Variants in SACM1L observed in about 807,000 individuals in gnomAD.
SACM1L encodes phosphatidylinositol-3-phosphatase SAC1.
A neutral mutation model predicts 89.5 loss-of-function variants in SACM1L; 32 were observed. The ratio of observed to expected loss-of-function variants is 0.36; its 90% CI spans 0.27 to 0.48. SACM1L has a LOEUF of 0.48. Ranked by LOEUF, SACM1L falls within the 20% of genes least tolerant of loss-of-function variation. The pLI is 0.99. For missense variants in SACM1L, 543 were observed against 708.5 expected (o/e 0.77, Z 2.65); for synonymous variants, 213 against 232.8 (o/e 0.92, Z 0.77).
In SACM1L at chr3:45,719,613, G is replaced by T; in HGVS notation, c.679+12G>T. On this transcript the variant is annotated intron_variant, in intron 8 of 19. Coordinates refer to ENST00000389061, the MANE Select transcript of SACM1L (RefSeq NM_014016.5). ...CTATTATGTAAGAGGTGAGAATTTT[G>T]TCAGCATGGGTCATATCTGTAATTA... 6.8e-7 allele frequency: 1 copy of T among 1,466,334 alleles called. No individual in the cohort carries two copies. The highest frequency in any genetic ancestry group is 9.5e-7 in the Non-Finnish European group (1 of 1,052,484). The allele number at this position is 1,466,334 out of a possible 1,614,324, so 90.8% of individuals were successfully genotyped here. A position where few individuals can be genotyped will look rare whatever the true frequency, so the allele number is the denominator to read the frequency against.
intron 11 of SACM1L, among the ~76,000 whole-genome samples, chr3:45,728,872 C>T (rs1698984891): frequency 6.6e-6 from 1 of 151,990 alleles, no homozygotes; most frequent in East Asian, 1.9e-4. Context: ...GGGGGTCTCA[C>T]TATATTGCCC....
Position 45,723,626 on chromosome 3 carries a change from A to G in SACM1L, c.921+83A>G, listed in dbSNP as rs1272973683. 4 of 600,632 alleles carry G rather than the reference A, an allele frequency of 6.7e-6. No individual in the cohort carries two copies. In the African/African-American group the frequency reaches 7.7e-5, roughly 12 times the overall value. 37.2% of individuals were successfully genotyped at this position (600,632 alleles called of 1,614,324 possible). On this transcript the variant is annotated intron_variant, in intron 11 of 19. Coordinates refer to ENST00000389061, the MANE Select transcript of SACM1L (RefSeq NM_014016.5). ...AATTTACTATTTTAACCATTTTTTAAGTGTACAGTTCAGTGGCATTAAGTA... is the reference window on the plus strand; with the variant it reads ...AATTTACTATTTTAACCATTTTTTAGGTGTACAGTTCAGTGGCATTAAGTA...
At chr3:45,732,475 G>T (rs765315742) in intron 13 of SACM1L, among the ~76,000 whole-genome samples, 1 of 152,054 alleles carries the variant, frequency 6.6e-6, no homozygotes. Flanking sequence ...TCTATCACAA[G>T]TATTTTGTTG....
At chr3:45,722,591 T>G (rs1354439255) in intron 9 of SACM1L, among the ~76,000 whole-genome samples, 1 of 152,230 alleles carries the variant, frequency 6.6e-6, no homozygotes, top group Non-Finnish European at 1.5e-5. Flanking sequence ...AGATGTAACC[T>G]GTTAATTTTT....
chr3:45,689,572 T>G lies in SACM1L; in HGVS notation c.32+75T>G. ...TGCGGGCCCTGGCCTCGGGGAGGGCTTCTGAGTCCCGGATTGCAGATAGGG... is the reference window on the plus strand; with the variant it reads ...TGCGGGCCCTGGCCTCGGGGAGGGCGTCTGAGTCCCGGATTGCAGATAGGG... On this transcript the variant is annotated intron_variant, in intron 1 of 19. Transcript: ENST00000389061. 4 of 1,483,316 alleles carry G rather than the reference T, an allele frequency of 2.7e-6. No individual in the cohort carries two copies. The South Asian group carries it at 4.8e-5, about 18-fold the overall frequency. The allele number at this position is 1,483,316 out of a possible 1,614,324, so 91.9% of individuals were successfully genotyped here.
intron 4 of SACM1L, among the ~76,000 whole-genome samples, chr3:45,708,185 G>C (rs1056289287): frequency 5.3e-5 from 8 of 151,944 alleles, no homozygotes; most frequent in African/African-American, 1.9e-4. Flanking sequence ...AAAATAACAT[G>C]GTAATTTTTA....
rs561287438 is a variant in SACM1L at position 45,738,506 on chromosome 3, CTTA to C, written c.1383-69_1383-67del. 2.3e-4 allele frequency: 198 copies of C among 854,350 alleles called. 1 individual carries two copies. The South Asian group carries it at 2.7e-3, about 12-fold the overall frequency. 52.9% of individuals were successfully genotyped at this position (854,350 alleles called of 1,614,324 possible). The stretch of plus-strand genomic sequence containing the variant: ...CACTCACTTATTTCTATACCTTATG[CTTA>C]TTGGCCATAAAACAGTGTGAGAATT... On this transcript the variant is annotated intron_variant, in intron 16 of 19. Coordinates refer to ENST00000389061, the MANE Select transcript of SACM1L (RefSeq NM_014016.5).
intron 2 of SACM1L, 49 bp downstream of exon 2, chr3:45,703,584 A>C (rs1698323409): frequency 1.7e-6 from 2 of 1,196,910 alleles, no homozygotes; most frequent in African/African-American, 1.5e-5. Context: ...TTTTATACAT[A>C]AATTACAGTA....
intron 1 of SACM1L, among the ~76,000 whole-genome samples, chr3:45,700,334 A>G (rs1419705103): frequency 6.6e-6 from 1 of 152,156 alleles, no homozygotes; most frequent in Non-Finnish European, 1.5e-5. Context: ...AAAGATGTAG[A>G]CCTCTGAGTA....
Position 45,744,278 on chromosome 3 carries a change from T to TTA in SACM1L, c.*610_*611dup, listed in dbSNP as rs1164653629. 1 of 152,502 alleles carries TTA rather than the reference T, an allele frequency of 6.6e-6. No homozygotes were observed. Among genetic ancestry groups the TTA allele is most frequent in the Non-Finnish European group, 1.5e-5 (1 of 68,040 alleles). 9.4% of individuals were successfully genotyped at this position (152,502 alleles called of 1,614,324 possible). On this transcript the variant is annotated 3_prime_UTR_variant, in exon 20 of 20. Coordinates refer to ENST00000389061, the MANE Select transcript of SACM1L (RefSeq NM_014016.5). The stretch of plus-strand genomic sequence containing the variant: ...GTCTCTGGTGGGCTGCCTCATGACT[T>TTA]TAATCAGCTTGAACTGCCAGTGCAC...
At chr3:45,737,403 A>G (rs1463998297) in intron 14 of SACM1L, 180 bp from the exon 15 acceptor site, 6 of 632,156 alleles carry the variant, frequency 9.5e-6, no homozygotes, top group African/African-American at 9.3e-5. Context: ...GAGGCTTTGC[A>G]GTCTGCCCTG....
chr3:45,712,527 C>T (rs751304585), intron 5 of SACM1L, among the ~76,000 whole-genome samples: 8 of 152,216 alleles, frequency 5.3e-5, no homozygotes, highest in Non-Finnish European at 1.0e-4. Context: ...TGAGCCACCA[C>T]GTCTGGCCCT....
At position 45,719,552 on chromosome 3, in the gene SACM1L, C is replaced by T. The variant is rs747031897; in HGVS notation, c.630C>T (p.Leu210=). Residue 210 remains leucine (L), a synonymous_variant, in exon 8 of 20, where the codon CTC becomes CTT. Transcript: ENST00000389061. ...SINGKYFDWI[L]ISRRSCFRAG... is the part of the protein sequence containing the mutation. ...ATGGAAAATACTTTGATTGGATTCT[C>T]ATCTCGAGGAGGAGCTGTTTCAGAG... The T allele has an allele frequency of 1.2e-6, 2 of 1,612,386 alleles. No homozygotes were observed. The highest frequency in any genetic ancestry group is 4.5e-5 in the East Asian group (2 of 44,826).
At chr3:45,710,339 T>TA (rs1396627346) in intron 5 of SACM1L, among the ~76,000 whole-genome samples, 1 of 151,942 alleles carries the variant, frequency 6.6e-6, no homozygotes, top group Non-Finnish European at 1.5e-5. Context: ...TAGCTGCAAT[T>TA]ACAGGCGTGT....
At chr3:45,725,709 T>A (rs538323509) in intron 11 of SACM1L, among the ~76,000 whole-genome samples, 2 of 151,886 alleles carry the variant, frequency 1.3e-5, no homozygotes, top group African/African-American at 2.4e-5. Context: ...GCCTAATTGG[T>A]GTTGCTAGAA....
intron 2 of SACM1L, among the ~76,000 whole-genome samples, chr3:45,704,271 A>G (rs561868328): frequency 6.6e-6 from 1 of 152,328 alleles, no homozygotes; most frequent in Non-Finnish European, 1.5e-5. Context: ...ACAATATTTG[A>G]ATAACCATAG....
chr3:45,715,064 G>C (rs763845895), intron 7 of SACM1L, among the ~76,000 whole-genome samples: 16 of 152,226 alleles, frequency 1.1e-4, no homozygotes, highest in Non-Finnish European at 2.1e-4. Flanking sequence ...TTGTAGCTAA[G>C]GAGCGATGGG....
chr3:45,692,819 A>G (rs1698027114), intron 1 of SACM1L, among the ~76,000 whole-genome samples: 1 of 152,250 alleles, frequency 6.6e-6, no homozygotes, highest in Non-Finnish European at 1.5e-5. Flanking sequence ...TTACTTTCTC[A>G]TGGACAAGAG....
intron 1 of SACM1L, among the ~76,000 whole-genome samples, chr3:45,701,120 A>T (rs1698256933): frequency 6.6e-6 from 1 of 152,138 alleles, no homozygotes; most frequent in Non-Finnish European, 1.5e-5. Context: ...TTTAAATTTT[A>T]TTAAACCTGG....
Sources: allele counts gnomAD v4.1 joint callset (sites outside exome capture counted in the v4.1 genomes callset), GRCh38; gene constraint gnomAD v4.1.1; transcripts MANE v1.5; gene names NCBI Gene and HGNC (gene_info 2026-07-23, HGNC 2026-07-21).